Variants in L3MBTL4 observed in about 807,000 individuals in gnomAD.
L3MBTL4 encodes the protein lethal(3)malignant brain tumor-like protein 4.
L3MBTL4 carries 70 observed loss-of-function variants against 84.5 expected under a neutral mutation model. The observed-to-expected ratio is 0.83, with a 90% confidence interval of 0.68 to 1.01. L3MBTL4 has a LOEUF of 1.01. L3MBTL4 is among the 50% of genes least tolerant of loss of function. The pLI is 0.00. For missense variants in L3MBTL4, 715 were observed against 754.8 expected (o/e 0.95, Z 0.62); for synonymous variants, 274 against 259.8 (o/e 1.05, Z -0.52).
At chr18:6,109,381 T>C (rs772271886) in intron 14 of L3MBTL4, among the ~76,000 whole-genome samples, 1 of 152,148 alleles carries the variant, frequency 6.6e-6, no homozygotes, top group Non-Finnish European at 1.5e-5. Context: ...TAACCATTGT[T>C]ATGAGGCTTG....
chr18:6,010,179 G>A (rs1784815), intron 16 of L3MBTL4, among the ~76,000 whole-genome samples: 6,761 of 152,058 alleles, frequency 0.044, 511 homozygotes, highest in African/African-American at 0.15. Context: ...TTCTGATTAA[G>A]AAGCCTCTAT....
intron 16 of L3MBTL4, among the ~76,000 whole-genome samples, chr18:6,070,615 G>C (rs970065540): frequency 3.3e-5 from 5 of 151,152 alleles, no homozygotes; most frequent in African/African-American, 1.2e-4. Flanking sequence ...CCAGGAGTTT[G>C]AGAAAAGCCT....
intron 12 of L3MBTL4, among the ~76,000 whole-genome samples, chr18:6,210,953 C>G (rs184234557): frequency 1.3e-5 from 2 of 152,196 alleles, no homozygotes; most frequent in African/African-American, 4.8e-5. Flanking sequence ...GCTGAAGTAC[C>G]TATAATATAA....
chr18:6,235,904 A>C lies in L3MBTL4; in HGVS notation c.784+2060T>G, dbSNP rs1044925413. Among the ~76,000 whole-genome samples the C allele has an allele frequency of 4.6e-5, 7 of 152,236 alleles. 1 individual carries two copies. Among genetic ancestry groups the C allele is most frequent in the Non-Finnish European group, 1.0e-4 (7 of 68,040 alleles). Reference sequence around the variant, plus strand: ...TAATAAAGTAAGTACTAGATTTGTAAACTGAAAACTACAAATTATAATTGA... The same window carrying C: ...TAATAAAGTAAGTACTAGATTTGTACACTGAAAACTACAAATTATAATTGA... On this transcript the variant is annotated intron_variant, in intron 10 of 18. Coordinates refer to ENST00000317931, the MANE Select transcript of L3MBTL4 (RefSeq NM_001330559.2).
At chr18:6,244,717 C>T in intron 5 of L3MBTL4, 129 bp from the exon 6 acceptor site, 1 of 658,318 alleles carries the variant, frequency 1.5e-6, no homozygotes, top group Non-Finnish European at 2.7e-6. Context: ...AGAATGGTGT[C>T]TACCAGAGGC....
intron 1 of L3MBTL4, among the ~76,000 whole-genome samples, chr18:6,318,570 A>G (rs979370102): frequency 2.0e-5 from 3 of 150,610 alleles, no homozygotes; most frequent in African/African-American, 7.3e-5. Context: ...CAATCCAACA[A>G]GAGGATATTA....
chr18:6,401,361 G>T (rs1207608969), intron 1 of L3MBTL4, among the ~76,000 whole-genome samples: 1 of 152,070 alleles, frequency 6.6e-6, no homozygotes, highest in Non-Finnish European at 1.5e-5. Context: ...TTGACTAGAT[G>T]TCAAAAACCA....
chr18:6,382,810 G>A (rs2054649657), intron 1 of L3MBTL4, among the ~76,000 whole-genome samples: 2 of 152,210 alleles, frequency 1.3e-5, no homozygotes, highest in Non-Finnish European at 2.9e-5. Flanking sequence ...ACTTGAGGAG[G>A]CAGTCTGACC....
chr18:6,114,534 T>C (rs921453779), intron 14 of L3MBTL4, among the ~76,000 whole-genome samples: 2 of 152,226 alleles, frequency 1.3e-5, no homozygotes, highest in African/African-American at 4.8e-5. Context: ...TTATCATTTC[T>C]TGTAGATTCT....
intron 10 of L3MBTL4, among the ~76,000 whole-genome samples, chr18:6,220,820 C>A (rs924345042): frequency 3.9e-5 from 6 of 152,110 alleles, no homozygotes; most frequent in Non-Finnish European, 8.8e-5. Context: ...CAAAATGATA[C>A]CAGTCTAGCC....
chr18:6,096,587 C>T (rs2058651254), intron 14 of L3MBTL4, among the ~76,000 whole-genome samples: 1 of 152,076 alleles, frequency 6.6e-6, no homozygotes, highest in South Asian at 2.1e-4. Flanking sequence ...CTTACTGGTG[C>T]TTATGTGCAT....
intron 4 of L3MBTL4, among the ~76,000 whole-genome samples, chr18:6,293,908 G>A (rs1028432725): frequency 8.5e-5 from 13 of 152,134 alleles, no homozygotes; most frequent in South Asian, 2.1e-4. Flanking sequence ...TTGAGGGGAC[G>A]GGAGATACAC....
intron 12 of L3MBTL4, among the ~76,000 whole-genome samples, chr18:6,181,747 T>C (rs115848412): frequency 0.015 from 2,250 of 151,930 alleles, 55 homozygotes; most frequent in African/African-American, 0.052. Context: ...CACTTATAAG[T>C]GAGAATACGT....
chr18:6,345,364 T>C (rs11878088), intron 1 of L3MBTL4, among the ~76,000 whole-genome samples: 29,784 of 151,412 alleles, frequency 0.2, 3,691 homozygotes, highest in African/African-American at 0.36. Context: ...GCCACTGCAC[T>C]CCAGCCTGGC....
At chr18:6,377,568 T>G (rs1211908496) in intron 1 of L3MBTL4, among the ~76,000 whole-genome samples, 1 of 152,124 alleles carries the variant, frequency 6.6e-6, no homozygotes, top group Non-Finnish European at 1.5e-5. Context: ...TGAGAACATG[T>G]GGTGTTTGGT....
intron 16 of L3MBTL4, chr18:6,031,981 TTTC>T (rs1387989417): frequency 7.1e-6 from 3 of 425,242 alleles, no homozygotes; most frequent in East Asian, 1.9e-4. Context: ...TTTTTCTTTC[TTTC>T]TTTTTTTTTT....
intron 1 of L3MBTL4, among the ~76,000 whole-genome samples, chr18:6,332,068 C>T (rs1385405338): frequency 6.6e-6 from 1 of 152,174 alleles, no homozygotes; most frequent in Non-Finnish European, 1.5e-5. Flanking sequence ...GCACTCAGGA[C>T]TCATGACTCC....
chr18:6,253,641 C>T (rs1159196113), intron 5 of L3MBTL4, among the ~76,000 whole-genome samples: 1 of 152,244 alleles, frequency 6.6e-6, no homozygotes, highest in African/African-American at 2.4e-5. Context: ...TCTACCAACA[C>T]TTTCAAAGAC....
chr18:6,345,215 C>CAAAAAAACAAAAAAAA (rs2052819528), intron 1 of L3MBTL4, among the ~76,000 whole-genome samples: 1 of 38,498 alleles, frequency 2.6e-5, no homozygotes, highest in Non-Finnish European at 4.9e-5. Flanking sequence ...TACTAAAATA[C>CAAAAAAACAAAAAAAA]AAAAAAAAAA....
Sources: allele counts gnomAD v4.1 joint callset (sites outside exome capture counted in the v4.1 genomes callset), GRCh38; gene constraint gnomAD v4.1.1; transcripts MANE v1.5; gene names NCBI Gene and HGNC (gene_info 2026-07-23, HGNC 2026-07-21).